Variants in NCOA6 observed in about 807,000 individuals in gnomAD.
NCOA6 encodes the protein NRC RAP250.
NCOA6 carries 49 observed loss-of-function variants against 171.4 expected under a neutral mutation model. That is an observed-to-expected ratio of 0.29 (90% CI 0.23 to 0.36). The LOEUF (loss-of-function observed/expected upper bound fraction) is 0.36, where lower values mean the gene tolerates loss of function less well. NCOA6 is among the 10% of genes least tolerant of loss of function. The probability of loss-of-function intolerance (pLI) is 1.00; values close to 1 mark genes in which losing one functional copy is unlikely to be tolerated. For synonymous variants in NCOA6, 910 were observed against 927.5 expected (o/e 0.98, Z 0.34); for missense variants, 2,248 against 2,554.5 (o/e 0.88, Z 2.59).
chr20:34,804,481 T>C (rs927651213), intron 1 of NCOA6, among the ~76,000 whole-genome samples: 4 of 140,376 alleles, frequency 2.8e-5, no homozygotes. Context: ...TACTCCAGCA[T>C]GGGTAACAGA....
rs17092094 is a variant in NCOA6, at chr20:34,755,245, T to C, written c.1529-377A>G. ...TTTTAACACAGGCACCAAAGGAATA[T>C]GCTAAATTCTCTCATTTCAAACAAA... is the stretch of plus-strand genomic sequence containing the variant. On this transcript the variant is annotated intron_variant, in intron 7 of 14. Transcript: ENST00000359003. Among the ~76,000 whole-genome samples the C allele has an allele frequency of 3.5e-3, 532 of 152,312 alleles. 10 individuals are homozygous for C. In the East Asian group the frequency reaches 0.073, roughly 21 times the overall value.
At chr20:34,719,056 A>G (rs1210220842) in intron 14 of NCOA6, among the ~76,000 whole-genome samples, 2 of 152,234 alleles carry the variant, frequency 1.3e-5, no homozygotes, top group Non-Finnish European at 2.9e-5. Flanking sequence ...ACTGGGTGGT[A>G]AAGAACTGGG....
chr20:34,731,522 G>T (rs973349192), intron 13 of NCOA6, among the ~76,000 whole-genome samples: 2 of 152,190 alleles, frequency 1.3e-5, no homozygotes, highest in African/African-American at 4.8e-5. Context: ...AATAGATACT[G>T]TGAAAATTAG....
chr20:34,780,436 C>T (rs2077481773), intron 3 of NCOA6, among the ~76,000 whole-genome samples: 1 of 152,018 alleles, frequency 6.6e-6, no homozygotes, highest in African/African-American at 2.4e-5. Context: ...CGGCTCACTG[C>T]AACCTCTACC....
In NCOA6 at chr20:34,768,508, T is replaced by C; in HGVS notation, c.470A>G (p.Asn157Ser). The change falls in exon 5 of 15, where the codon AAT becomes AGT. Residue 157 changes from asparagine (N) to serine (S), a missense_variant. Physicochemically the swap from Asn to Ser is conservative, Grantham distance 46. Coordinates refer to ENST00000359003, the MANE Select transcript of NCOA6 (RefSeq NM_014071.5). ...AAATCCCGCCTCCATCCTAACTGAA[T>C]TTCCAGCTCCCATGGGTCCATTCAT... ...VRMNGPMGAG[N>S]SVRMEAGFPM... 2 of 1,614,166 alleles carry C rather than the reference T, an allele frequency of 1.2e-6. No homozygotes were observed. The highest frequency in any genetic ancestry group is 1.7e-6 in the Non-Finnish European group (2 of 1,180,022).
At chr20:34,810,915 A>C (rs1026201495) in intron 1 of NCOA6, among the ~76,000 whole-genome samples, 1 of 152,042 alleles carries the variant, frequency 6.6e-6, no homozygotes, top group South Asian at 2.1e-4. Context: ...TCAAACTATT[A>C]GTAGTAAAAT....
intron 5 of NCOA6, among the ~76,000 whole-genome samples, chr20:34,763,487 C>T (rs1479693689): frequency 6.6e-6 from 1 of 152,192 alleles, no homozygotes; most frequent in African/African-American, 2.4e-5. Context: ...AATACTCTGA[C>T]ATTCCTATTA....
At chr20:34,749,049 G>T (rs1304495305) in intron 9 of NCOA6, among the ~76,000 whole-genome samples, 1 of 152,154 alleles carries the variant, frequency 6.6e-6, no homozygotes, top group African/African-American at 2.4e-5. Context: ...TGAACAAATT[G>T]TAAGAAAAAA....
chr20:34,800,259 C>T (rs2078214804), intron 1 of NCOA6, among the ~76,000 whole-genome samples: 1 of 151,814 alleles, frequency 6.6e-6, no homozygotes, highest in Non-Finnish European at 1.5e-5. Context: ...AAACATACCA[C>T]TAGAGAAAAT....
chr20:34,770,908 G>T (rs1255899111), intron 4 of NCOA6, among the ~76,000 whole-genome samples: 2 of 152,040 alleles, frequency 1.3e-5, no homozygotes, highest in African/African-American at 4.8e-5. Context: ...GGGATTACAG[G>T]CATGAGCCAC....
Position 34,742,372 on chromosome 20 carries a change from G to A in NCOA6, c.3884C>T (p.Ser1295Phe). The A allele has an allele frequency of 6.2e-7, 1 of 1,614,206 alleles. No individual in the cohort carries two copies. Among genetic ancestry groups the A allele is most frequent in the South Asian group, 1.1e-5 (1 of 91,084 alleles). ...GTGAGTTTGTGGGGTAGCAAAATTG[G>A]AAGGATTCATGGTAAGATTTGAAGG... ...QAPSNLTMNP[S>F]NFATPQTHKL... The change falls in exon 11 of 15, where the codon TCC becomes TTC. Residue 1295 changes from serine to phenylalanine, a missense_variant. This residue lies in a region of NCOA6 where 884 missense variants were observed against 941.9 expected (regional missense o/e 0.94). Coordinates refer to ENST00000359003, the MANE Select transcript of NCOA6 (RefSeq NM_014071.5).
chr20:34,769,704 T>A (rs1385271998), intron 4 of NCOA6, among the ~76,000 whole-genome samples: 2 of 152,154 alleles, frequency 1.3e-5, no homozygotes, highest in Non-Finnish European at 2.9e-5. Flanking sequence ...AGCTTCACAG[T>A]ACCCTCATAG....
chr20:34,776,525 A>C (rs1324166610), intron 3 of NCOA6, 77 bp from the exon 4 acceptor site: 16 of 1,487,852 alleles, frequency 1.1e-5, no homozygotes, highest in Non-Finnish European at 1.4e-5. Context: ...AACAAACCAA[A>C]AGAGCAAAAG....
intron 12 of NCOA6, among the ~76,000 whole-genome samples, chr20:34,736,099 C>A (rs967019191): frequency 6.6e-5 from 10 of 152,276 alleles, no homozygotes; most frequent in African/African-American, 2.4e-4. Flanking sequence ...TGACCCTGAT[C>A]CCACAGCAGT....
intron 1 of NCOA6, among the ~76,000 whole-genome samples, chr20:34,810,979 G>A (rs1375978953): frequency 6.6e-6 from 1 of 151,524 alleles, no homozygotes; most frequent in East Asian, 1.9e-4. Flanking sequence ...GAAAATATAG[G>A]GTGATAGAAC....
chr20:34,732,578 C>T lies in NCOA6; in HGVS notation c.5980G>A (p.Ala1994Thr), dbSNP rs2075820304. The T allele has an allele frequency of 6.2e-7, 1 of 1,613,704 alleles. No individual in the cohort carries two copies. Among genetic ancestry groups the T allele is most frequent in the Admixed American group, 1.7e-5 (1 of 60,012 alleles). The change falls in exon 13 of 15, where the codon GCC becomes ACC. Residue 1994 changes from alanine to threonine, a missense_variant. Physicochemically the swap from Ala to Thr is moderately conservative, Grantham distance 58. Around this residue, in one of 7 missense-constraint regions of NCOA6, gnomAD observed 884 missense variants for 941.9 expected, o/e 0.94. Transcript: ENST00000359003. ...TCTTACCTTTGTCCAGAGACTATGG[C>T]AGCATTTACCTCCAGCTCTGCAAAA... Reference protein sequence around the residue: ...VARPELEVNAAIVSGQSSEPK... With the variant: ...VARPELEVNATIVSGQSSEPK...
At chr20:34,769,776 A>G (rs1377243940) in intron 4 of NCOA6, among the ~76,000 whole-genome samples, 1 of 152,214 alleles carries the variant, frequency 6.6e-6, no homozygotes, top group Non-Finnish European at 1.5e-5. Flanking sequence ...CTTAAATCTT[A>G]CTTGGTCCAA....
Position 34,732,607 on chromosome 20 carries a change from T to C in NCOA6, c.5963-12A>G. The C allele has an allele frequency of 6.2e-7, 1 of 1,611,610 alleles. No homozygotes were observed. The highest frequency in any genetic ancestry group is 8.5e-7 in the Non-Finnish European group (1 of 1,178,186). ...ATTTACCTCCAGCTCTGCAAAAAAA[T>C]ATAAAGGATAGAAATGAAATGTGGG... On this transcript the variant is annotated splice_polypyrimidine_tract_variant and intron_variant, in intron 12 of 14. Coordinates refer to ENST00000359003, the MANE Select transcript of NCOA6 (RefSeq NM_014071.5).
chr20:34,764,958 A>G (rs1179519755), intron 5 of NCOA6, among the ~76,000 whole-genome samples: 1 of 151,986 alleles, frequency 6.6e-6, no homozygotes, highest in Non-Finnish European at 1.5e-5. Flanking sequence ...TACTAAAAAT[A>G]CAAAAATTAG....
Sources: gnomAD v4.1 joint callset for allele counts (sites outside exome capture counted in the v4.1 genomes callset) on GRCh38, gnomAD v4.1.1 for gene constraint, gnomAD v4.1.1 regional missense constraint, MANE v1.5 for transcripts, NCBI Gene and HGNC (gene_info 2026-07-23, HGNC 2026-07-21) for gene names.